The following BSG variants were observed in gnomAD, a reference collection of about 807,000 sequenced individuals.
BSG encodes basigin (Ok blood group).
In BSG, 37 loss-of-function variants were observed where a neutral mutation model predicts 43.1. That is an observed-to-expected ratio of 0.86 (90% CI 0.66 to 1.13). The LOEUF is 1.13. BSG is among the 50% of genes most tolerant of loss of function. BSG has a pLI of 0.00. For missense variants in BSG, 599 were observed against 554.2 expected (o/e 1.08, Z -0.81); for synonymous variants, 309 against 238.7 (o/e 1.29, Z -2.72).
chr19:578,734 ATTTT>A, intron 2 of BSG: 11 of 244,328 alleles, frequency 4.5e-5, no homozygotes, highest in East Asian at 1.3e-4. Context: ...TGCTGTGGCT[ATTTT>A]TTTTTTTTTT....
At chr19:572,563 C>G, upstream of BSG, 1 of 1,414,288 alleles carries the variant, frequency 7.1e-7, no homozygotes, top group Middle Eastern at 1.9e-4. Context: ...CGCGCCTCCG[C>G]CGCTTTTTAT....
chr19:578,252 G>T (rs1172709943), intron 2 of BSG, 131 bp downstream of exon 2: 2 of 1,002,510 alleles, frequency 2.0e-6, no homozygotes, highest in Middle Eastern at 2.8e-4. Context: ...TGGGCCCACC[G>T]CCTGGACGGA....
chr19:579,010 G>A (rs7253615), intron 2 of BSG: 249,444 of 455,772 alleles, frequency 0.55, 74,172 homozygotes, highest in African/African-American at 0.83. Flanking sequence ...GATTACAGGC[G>A]TGAGCCTCCG....
At chr19:580,525 C>T (rs2145900049) in intron 4 of BSG, 64 bp downstream of exon 4, 1 of 1,604,166 alleles carries the variant, frequency 6.2e-7, no homozygotes, top group Non-Finnish European at 8.5e-7. Flanking sequence ...TGGCCTGAGG[C>T]ACCCGGCACA....
intron 1 of BSG, among the ~76,000 whole-genome samples, chr19:576,490 G>A (rs1317716802): frequency 2.0e-5 from 3 of 152,182 alleles, no homozygotes; most frequent in East Asian, 1.9e-4. Flanking sequence ...AGCCAGGCGC[G>A]GTGGCTCACG....
In BSG at chr19:577,755, A is replaced by G. The variant is rs1361036547; in HGVS notation, c.68-19A>G. The stretch of plus-strand genomic sequence containing the variant: ...GTGCCCCAGGCACTAACAAGACCCC[A>G]CGCGTGCTCTCCCCACAGCCGGCTT... On this transcript the variant is annotated intron_variant, in intron 1 of 8. Coordinates refer to ENST00000333511, the MANE Select transcript of BSG (RefSeq NM_001728.4). The G allele has an allele frequency of 2.9e-6, 4 of 1,389,148 alleles. No individual in the cohort carries two copies. Among genetic ancestry groups the G allele is most frequent in the Non-Finnish European group, 3.7e-6 (4 of 1,071,882 alleles). 86.1% of individuals were successfully genotyped at this position (1,389,148 alleles called of 1,614,324 possible).
chr19:577,239 C>G (rs963321199), intron 1 of BSG, among the ~76,000 whole-genome samples: 8 of 143,252 alleles, frequency 5.6e-5, no homozygotes, highest in African/African-American at 1.8e-4. Flanking sequence ...CCCAGCTTCC[C>G]AAATCCGCCT....
In BSG at chr19:580,725, G is replaced by A. The variant is rs1197009074; in HGVS notation, c.735G>A (p.Glu245=). Reference sequence around the variant, plus strand: ...CGGCCATGCTGGTCTGCAAGTCAGAGTCCGTGCCACCTGTCACTGACTGGG... The same window carrying A: ...CGGCCATGCTGGTCTGCAAGTCAGAATCCGTGCCACCTGTCACTGACTGGG... The part of the protein sequence containing the change: ...GETAMLVCKS[E]SVPPVTDWAW... Residue 245 remains glutamate, a synonymous_variant, in exon 5 of 9, where the codon GAG becomes GAA. Coordinates refer to ENST00000333511, the MANE Select transcript of BSG (RefSeq NM_001728.4). 1 of 1,612,866 alleles carries A rather than the reference G, an allele frequency of 6.2e-7. No homozygotes were observed. The highest frequency in any genetic ancestry group is 1.1e-5 in the South Asian group (1 of 91,086).
chr19:571,627 T>C (rs771347561), upstream of BSG: 14 of 778,976 alleles, frequency 1.8e-5, no homozygotes, highest in Non-Finnish European at 3.1e-5. Flanking sequence ...AATGGGATAT[T>C]TGGGGGCGGC....
chr19:572,408 G>T (rs960425440), upstream of BSG: 123 of 985,212 alleles, frequency 1.2e-4, no homozygotes, highest in Middle Eastern at 1.5e-3. Flanking sequence ...CGGGTCACGT[G>T]CGCCGCCGCC....
intron 1 of BSG, chr19:575,219 C>G (rs982743492): frequency 1.3e-5 from 2 of 152,478 alleles, no homozygotes; most frequent in African/African-American, 4.8e-5. Flanking sequence ...GTGAGAAACC[C>G]CACTTTTGCT....
intron 1 of BSG, 68 bp downstream of exon 1, chr19:572,769 C>T: frequency 1.5e-6 from 2 of 1,328,428 alleles, no homozygotes; most frequent in African/African-American, 1.5e-5. Context: ...CGGTGCCGAC[C>T]CGAAGCCGAC....
intron 1 of BSG, chr19:575,398 A>C (rs1248771331): frequency 1.3e-5 from 2 of 151,984 alleles, no homozygotes; most frequent in Admixed American, 1.3e-4. Flanking sequence ...TGAGTGCCCA[A>C]GGTTGGCCGT....
intron 3 of BSG, chr19:580,069 A>G (rs1477669841): frequency 9.1e-6 from 4 of 438,828 alleles, no homozygotes; most frequent in Non-Finnish European, 1.6e-5. Flanking sequence ...CCCTGGGAGC[A>G]CAGAGCCTTT....
At position 578,966 on chromosome 19, in the gene BSG, G is replaced by A. The variant is rs543561666; in HGVS notation, c.416-534G>A. 327 of 453,482 alleles carry A rather than the reference G, an allele frequency of 7.2e-4. 1 individual carries two copies. The highest frequency in any genetic ancestry group is 5.7e-3 in the African/African-American group (287 of 50,110). 28.1% of individuals were successfully genotyped at this position (453,482 alleles called of 1,614,324 possible). ...AGGATGGTCTCGATCTCCCGACCTC[G>A]AGATCCACCCGCCTTGGCCTCCCAA... On this transcript the variant is annotated intron_variant, in intron 2 of 8. Coordinates refer to ENST00000333511, the MANE Select transcript of BSG (RefSeq NM_001728.4).
chr19:576,722 C>G (rs1451560227), intron 1 of BSG, among the ~76,000 whole-genome samples: 3 of 150,848 alleles, frequency 2.0e-5, no homozygotes, highest in Non-Finnish European at 4.4e-5. Flanking sequence ...GATTACACCA[C>G]TGCTGAACAG....
chr19:577,684 C>A, intron 1 of BSG, 90 bp from the exon 2 acceptor site: 1 of 1,125,112 alleles, frequency 8.9e-7, no homozygotes, highest in Non-Finnish European at 1.2e-6. Flanking sequence ...CCAGCCCTGG[C>A]TGGGAGTCCT....
At chr19:580,558 T>C (rs1352029071) in intron 4 of BSG, 88 bp from the exon 5 acceptor site, 6 of 1,603,772 alleles carry the variant, frequency 3.7e-6, no homozygotes, top group Non-Finnish European at 4.3e-6. Context: ...GGCCCCCTGC[T>C]CCCTGGAGGG....
chr19:572,127 G>A (rs1981292142), upstream of BSG: 1 of 151,670 alleles, frequency 6.6e-6, no homozygotes, highest in African/African-American at 2.4e-5. Flanking sequence ...AGGCAGAGAT[G>A]TGCGTCTCGC....
Sources: allele counts gnomAD v4.1 joint callset (sites outside exome capture counted in the v4.1 genomes callset), GRCh38; gene constraint gnomAD v4.1.1; transcripts MANE v1.5; gene names NCBI Gene and HGNC (gene_info 2026-07-23, HGNC 2026-07-21).